Variants in HDAC4 observed in about 807,000 individuals in gnomAD.
The protein encoded by HDAC4 is histone deacetylase 4, also known as histone deacetylase A.
A neutral mutation model predicts 135.1 loss-of-function variants in HDAC4; 16 were observed. The ratio of observed to expected loss-of-function variants is 0.12; its 90% CI spans 0.08 to 0.18. The LOEUF is 0.18. Among genes scored for constraint, HDAC4 ranks in the 10% least tolerant of loss-of-function variants. The probability of loss-of-function intolerance (pLI) is 1.00; values close to 1 mark genes in which losing one functional copy is unlikely to be tolerated. For missense variants in HDAC4, 1,143 were observed against 1,511.8 expected (o/e 0.76, Z 4.05); for synonymous variants, 685 against 653.4 (o/e 1.05, Z -0.74).
intron 17 of HDAC4, chr2:239,094,018 ATT>A: frequency 1.0e-6 from 1 of 985,394 alleles, no homozygotes; most frequent in Non-Finnish European, 1.2e-6. Flanking sequence ...GAAGAAAACA[ATT>A]TTGTTTCATT....
intron 17 of HDAC4, among the ~76,000 whole-genome samples, chr2:239,092,569 G>A (rs537850277): frequency 4.6e-5 from 7 of 152,174 alleles, no homozygotes; most frequent in Non-Finnish European, 1.0e-4. Flanking sequence ...CCCTCCCATG[G>A]GACCCTGGGG....
At chr2:239,089,753 A>C (rs2036326367) in intron 18 of HDAC4, 2 of 426,668 alleles carry the variant, frequency 4.7e-6, no homozygotes, top group African/African-American at 4.0e-5. Context: ...TAAGAGTATA[A>C]ATTTTTAAGA....
At chr2:239,082,429 A>C (rs1328851231) in intron 20 of HDAC4, among the ~76,000 whole-genome samples, 2 of 152,208 alleles carry the variant, frequency 1.3e-5, no homozygotes, top group African/African-American at 4.8e-5. Context: ...AGGGGTTCTA[A>C]GGGCCAATGT....
At chr2:239,067,433 C>T (rs753152188) in intron 23 of HDAC4, among the ~76,000 whole-genome samples, 2 of 152,196 alleles carry the variant, frequency 1.3e-5, no homozygotes, top group African/African-American at 2.4e-5. Context: ...CGGAACCACG[C>T]GCCGCTAATT....
chr2:239,119,587 G>A (rs1268866264), intron 12 of HDAC4, among the ~76,000 whole-genome samples: 2 of 151,726 alleles, frequency 1.3e-5, no homozygotes, highest in South Asian at 2.1e-4. Flanking sequence ...TAAGGGGAAC[G>A]GAGCTCAGGG....
chr2:239,211,870 G>A (rs948451714), intron 3 of HDAC4, among the ~76,000 whole-genome samples: 3 of 152,150 alleles, frequency 2.0e-5, no homozygotes, highest in African/African-American at 7.2e-5. Context: ...ACAATCCAGA[G>A]GTAGTGGCAC....
chr2:239,235,201 C>A (rs191798054), intron 3 of HDAC4, among the ~76,000 whole-genome samples: 4 of 152,110 alleles, frequency 2.6e-5, no homozygotes, highest in Non-Finnish European at 5.9e-5. Context: ...CCGAACACCC[C>A]CCAAGAGGCC....
chr2:239,371,403 A>C (rs1468293616), intron 1 of HDAC4, among the ~76,000 whole-genome samples: 1 of 152,068 alleles, frequency 6.6e-6, no homozygotes, highest in African/African-American at 2.4e-5. Flanking sequence ...TAATACAAAC[A>C]CAAGCATGCA....
intron 22 of HDAC4, among the ~76,000 whole-genome samples, chr2:239,072,068 C>G (rs914856732): frequency 6.6e-6 from 1 of 152,192 alleles, no homozygotes; most frequent in Non-Finnish European, 1.5e-5. Context: ...TCCCCATAAA[C>G]TTTTCATAAA....
intron 2 of HDAC4, among the ~76,000 whole-genome samples, chr2:239,241,808 T>A (rs543328511): frequency 9.2e-5 from 14 of 152,248 alleles, no homozygotes; most frequent in African/African-American, 3.4e-4. Context: ...TATTAAGAGG[T>A]CTTATCTTTC....
chr2:239,153,182 G>A (rs935718032), intron 7 of HDAC4, among the ~76,000 whole-genome samples: 6 of 152,220 alleles, frequency 3.9e-5, no homozygotes, highest in African/African-American at 1.4e-4. Context: ...TTACCTGTCA[G>A]CAGAGCCAGC....
intron 1 of HDAC4, among the ~76,000 whole-genome samples, chr2:239,373,468 GTTGTTGT>G (rs1388735438): frequency 4.3e-5 from 6 of 140,838 alleles, no homozygotes; most frequent in Admixed American, 4.2e-4. Flanking sequence ...TTTTGTTGTT[GTTGTTGT>G]TTGTTTGTTT....
chr2:239,244,434 C>A (rs1049789535), intron 2 of HDAC4, among the ~76,000 whole-genome samples: 4 of 152,212 alleles, frequency 2.6e-5, no homozygotes, highest in African/African-American at 7.2e-5. Flanking sequence ...CACTCACATG[C>A]AAACCTTCCC....
At chr2:239,373,565 G>A (rs1172411977) in intron 1 of HDAC4, among the ~76,000 whole-genome samples, 9 of 152,062 alleles carry the variant, frequency 5.9e-5, no homozygotes, top group African/African-American at 7.2e-5. Flanking sequence ...CCAGGTTCAA[G>A]CGATTCTCTC....
rs148346262 is a variant in HDAC4, at chr2:239,366,959, C to G, written c.-219-14041G>C. Among the ~76,000 whole-genome samples, 5 of 149,538 alleles carry G rather than the reference C, an allele frequency of 3.3e-5. 1 individual carries two copies. Among genetic ancestry groups the G allele is most frequent in the African/African-American group, 1.3e-4 (5 of 38,874 alleles). On this transcript the variant is annotated intron_variant, in intron 1 of 26. Coordinates refer to ENST00000543185, the MANE Select transcript of HDAC4 (RefSeq NM_001378414.1). ...CAAGCACGCGTAGCTTCACCAACAA[C>G]GGGCCTGAATTGAGCTTCACCAACA...
rs1005319827 is a variant in HDAC4 at position 239,352,968 on chromosome 2, C to G, written c.-219-50G>C. Reference sequence around the variant, plus strand: ...GACTGGAGTTACAACATGGAAGTTCCGATCTGGAAAACAACATCCAACTAG... The same window carrying G: ...GACTGGAGTTACAACATGGAAGTTCGGATCTGGAAAACAACATCCAACTAG... On this transcript the variant is annotated intron_variant, in intron 1 of 26. Coordinates refer to ENST00000543185, the MANE Select transcript of HDAC4 (RefSeq NM_001378414.1). This position sits in a 1 kb window ranked among gnomAD's most constrained non-coding sequence, Gnocchi z 4.4. The G allele has an allele frequency of 7.6e-5, 37 of 489,616 alleles. No homozygotes were observed. The highest frequency in any genetic ancestry group is 7.0e-4 in the African/African-American group (36 of 51,614). 30.3% of individuals were successfully genotyped at this position (489,616 alleles called of 1,614,324 possible). A position where few individuals can be genotyped will look rare whatever the true frequency, so the allele number is the denominator to read the frequency against.
At chr2:239,350,946 C>T (rs1363284424) in intron 2 of HDAC4, among the ~76,000 whole-genome samples, 1 of 152,140 alleles carries the variant, frequency 6.6e-6, no homozygotes, top group Non-Finnish European at 1.5e-5. Context: ...AAAATATGCA[C>T]CCCCATTAAA....
intron 3 of HDAC4, among the ~76,000 whole-genome samples, chr2:239,212,549 A>G (rs2046400294): frequency 6.6e-6 from 1 of 152,230 alleles, no homozygotes; most frequent in Non-Finnish European, 1.5e-5. Context: ...GGGAAGGCTG[A>G]GCTATAAAGA....
chr2:239,181,859 C>T (rs143510393), intron 4 of HDAC4, among the ~76,000 whole-genome samples: 12 of 152,342 alleles, frequency 7.9e-5, no homozygotes, highest in South Asian at 2.1e-4. Context: ...TGCCTCCGTG[C>T]GGCCTGATTG....
Sources: allele counts gnomAD v4.1 joint callset (sites outside exome capture counted in the v4.1 genomes callset), GRCh38; gene constraint gnomAD v4.1.1; non-coding constraint Gnocchi (gnomAD v3.1); transcripts MANE v1.5; gene names NCBI Gene and HGNC (gene_info 2026-07-23, HGNC 2026-07-21).